Variants in LOC112694756 observed in about 807,000 individuals in gnomAD.
the LOC112694756 span, chr16:30,069,089 T>C: frequency 9.1e-6 from 14 of 1,544,158 alleles, no homozygotes; most frequent in Non-Finnish European, 1.2e-5. Flanking sequence ...AGCATTAGCT[T>C]TGGCCCGTGG....
At chr16:30,070,292 G>A in the LOC112694756 span, 2 of 1,419,674 alleles carry the variant, frequency 1.4e-6, no homozygotes, top group Non-Finnish European at 2.0e-6. Context: ...CCTCCTCGGG[G>A]CTCCAGGCTG....
chr16:30,070,292 G>T, the LOC112694756 span: 1 of 1,419,674 alleles, frequency 7.0e-7, no homozygotes, highest in East Asian at 2.3e-5. Flanking sequence ...CCTCCTCGGG[G>T]CTCCAGGCTG....
chr16:30,064,234 C>T, the LOC112694756 span: 8 of 397,788 alleles, frequency 2.0e-5, no homozygotes, highest in East Asian at 1.8e-4. Context: ...CACGGACTCT[C>T]CGTTATTTTA....
the LOC112694756 span, among the ~76,000 whole-genome samples, chr16:30,053,801 T>C: frequency 3.4e-3 from 514 of 152,188 alleles, 2 homozygotes; most frequent in African/African-American, 0.012. Context: ...CTGCTAGGGC[T>C]ATCGTGTGTT....
the LOC112694756 span, chr16:30,064,568 C>T: frequency 2.5e-6 from 1 of 398,658 alleles, no homozygotes; most frequent in Non-Finnish European, 4.4e-6. Context: ...CCCCCTTCCC[C>T]CATGCCGGGC....
the LOC112694756 span, chr16:30,064,583 C>A: frequency 5.0e-6 from 2 of 398,382 alleles, no homozygotes; most frequent in African/African-American, 4.1e-5. Context: ...CCGGGCCCCA[C>A]GATAGTGTGA....
chr16:30,062,440 G>A, the LOC112694756 span, among the ~76,000 whole-genome samples: 6 of 151,500 alleles, frequency 4.0e-5, no homozygotes, highest in African/African-American at 1.2e-4. Context: ...GCTGAGGCAG[G>A]AGAATCGCTT....
At chr16:30,066,489 AG>A in the LOC112694756 span, among the ~76,000 whole-genome samples, 1 of 152,382 alleles carries the variant, frequency 6.6e-6, no homozygotes, top group Admixed American at 6.5e-5. Flanking sequence ...CTTGCCCCGT[AG>A]GAACAGTGAC....
At chr16:30,057,871 C>T in the LOC112694756 span, among the ~76,000 whole-genome samples, 9 of 151,474 alleles carry the variant, frequency 5.9e-5, no homozygotes, top group East Asian at 1.9e-4. Flanking sequence ...GCAGAGATTG[C>T]GGTGAGCTGA....
chr16:30,058,936 C>T, the LOC112694756 span: 10 of 398,472 alleles, frequency 2.5e-5, no homozygotes, highest in East Asian at 7.1e-5. Flanking sequence ...TCCCCAGCCT[C>T]GCAGGGCTTC....
the LOC112694756 span, chr16:30,064,190 C>G: frequency 2.5e-6 from 1 of 398,008 alleles, no homozygotes; most frequent in Non-Finnish European, 4.4e-6. Context: ...CCTTGAGTAC[C>G]GGGTACGCAG....
At chr16:30,067,690 T>G in the LOC112694756 span, 1 of 1,613,152 alleles carries the variant, frequency 6.2e-7, no homozygotes, top group South Asian at 1.1e-5. Flanking sequence ...GACGTGAGGT[T>G]TGAGATGGAA....
the LOC112694756 span, chr16:30,058,799 G>A: frequency 5.2e-6 from 2 of 383,930 alleles, no homozygotes; most frequent in Non-Finnish European, 9.2e-6. Flanking sequence ...CTTCTTTCAT[G>A]TGCATGTTGC....
At chr16:30,061,368 G>A in the LOC112694756 span, among the ~76,000 whole-genome samples, 1 of 152,094 alleles carries the variant, frequency 6.6e-6, no homozygotes, top group African/African-American at 2.4e-5. Context: ...CACCTGCTGA[G>A]CATGAGTCCA....
the LOC112694756 span, chr16:30,064,274 T>G: frequency 5.1e-6 from 2 of 394,280 alleles, no homozygotes; most frequent in Non-Finnish European, 8.9e-6. Flanking sequence ...GTATCTACTC[T>G]CCTTCTTAAA....
the LOC112694756 span, chr16:30,068,981 G>A: frequency 6.2e-7 from 1 of 1,614,194 alleles, no homozygotes; most frequent in African/African-American, 1.3e-5. Flanking sequence ...GCCAGCAGGT[G>A]GGCCTGCAGG....
At chr16:30,069,119 G>A in the LOC112694756 span, 1 of 1,425,516 alleles carries the variant, frequency 7.0e-7, no homozygotes, top group Non-Finnish European at 9.7e-7. Flanking sequence ...AAGGGCTGTT[G>A]AAGGCAGAGG....
the LOC112694756 span, chr16:30,069,603 G>T: frequency 6.2e-7 from 1 of 1,614,132 alleles, no homozygotes; most frequent in Non-Finnish European, 8.5e-7. Context: ...GCACTCAGAA[G>T]TTTTCTCATG....
At chr16:30,070,173 T>C in the LOC112694756 span, 2 of 1,614,020 alleles carry the variant, frequency 1.2e-6, no homozygotes, top group Non-Finnish European at 1.7e-6. Flanking sequence ...CTGGGGCTGC[T>C]GCCAGCGAGT....
Sources: gnomAD v4.1 joint callset for allele counts (sites outside exome capture counted in the v4.1 genomes callset) on GRCh38, gnomAD v4.1.1 for gene constraint, MANE v1.5 for transcripts.